The following JADE2 variants were observed in gnomAD, a reference collection of about 807,000 sequenced individuals.
JADE2 encodes the protein jade family PHD finger 2.
JADE2 carries 13 observed loss-of-function variants against 85.7 expected under a neutral mutation model. The ratio of observed to expected loss-of-function variants is 0.15; its 90% CI spans 0.10 to 0.24. The LOEUF (loss-of-function observed/expected upper bound fraction) is 0.24, where lower values mean the gene tolerates loss of function less well. Ranked by LOEUF, JADE2 falls within the 10% of genes least tolerant of loss-of-function variation. JADE2 has a pLI of 1.00. For missense variants in JADE2, 846 were observed against 1,115.9 expected (o/e 0.76, Z 3.45); for synonymous variants, 440 against 456.1 (o/e 0.96, Z 0.45).
At position 134,578,465 on chromosome 5, in the gene JADE2, C is replaced by T. The variant is rs373233630; in HGVS notation, c.1682-29C>T. ...AAAGGGTGGGACACACGTCTGCTGG[C>T]GTCTCACTTGCCTCCTCTCTCCCCT... On this transcript the variant is annotated intron_variant, in intron 11 of 11. Transcript: ENST00000681547. This position sits in a 1 kb window ranked among gnomAD's most constrained non-coding sequence, Gnocchi z 4.4. The T allele has an allele frequency of 1.2e-4, 173 of 1,504,174 alleles. No homozygotes were observed. In the African/African-American group the frequency reaches 1.9e-3, roughly 17 times the overall value. The allele number at this position is 1,504,174 out of a possible 1,614,324, so 93.2% of individuals were successfully genotyped here.
chr5:134,524,707 G>C (rs1162500894), upstream of JADE2, among the ~76,000 whole-genome samples: 3 of 152,204 alleles, frequency 2.0e-5, no homozygotes, highest in East Asian at 1.9e-4. Flanking sequence ...GCACCCGGGA[G>C]GGGGGAGGGG....
intron 4 of JADE2, 107 bp downstream of exon 4, chr5:134,552,316 C>A: frequency 1.0e-6 from 1 of 969,622 alleles, no homozygotes; most frequent in South Asian, 1.7e-5. Context: ...TCTAGTCCAT[C>A]TCTATTCTGT....
intron 9 of JADE2, among the ~76,000 whole-genome samples, chr5:134,572,278 C>G (rs539635564): frequency 1.3e-5 from 2 of 152,216 alleles, no homozygotes; most frequent in Non-Finnish European, 2.9e-5. Context: ...TCACGGTCTT[C>G]GAGCTGAGGG....
intron 3 of JADE2, among the ~76,000 whole-genome samples, chr5:134,547,272 G>C (rs1762350015): frequency 6.6e-6 from 1 of 152,204 alleles, no homozygotes; most frequent in Non-Finnish European, 1.5e-5. Context: ...GGCACCCCTA[G>C]CACTCAGATT....
Position 134,532,700 on chromosome 5 carries a change from C to G in JADE2, c.1-3158C>G, listed in dbSNP as rs140470948. Among the ~76,000 whole-genome samples, 8 of 152,190 alleles carry G rather than the reference C, an allele frequency of 5.3e-5. No individual in the cohort carries two copies. The East Asian group carries it at 1.2e-3, about 22-fold the overall frequency. ...GATCACATCTAAGCACCTCCACCCC[C>G]CAAGTGTGTTTGCAGTCCTGGATTT... On this transcript the variant is annotated intron_variant, in intron 1 of 11. Transcript: ENST00000681547.
intron 1 of JADE2, among the ~76,000 whole-genome samples, chr5:134,534,081 G>T (rs1289140006): frequency 6.6e-6 from 1 of 152,194 alleles, no homozygotes; most frequent in Non-Finnish European, 1.5e-5. Context: ...GCTGTGGGTT[G>T]CTGAGCTGTT....
intron 1 of JADE2, among the ~76,000 whole-genome samples, chr5:134,531,548 A>T: frequency 6.6e-6 from 1 of 151,442 alleles, no homozygotes; most frequent in East Asian, 1.9e-4. Flanking sequence ...AGTAGCTGGA[A>T]CTACAGGTGC....
At chr5:134,560,987 G>C in intron 6 of JADE2, 30 bp downstream of exon 6, 1 of 1,593,404 alleles carries the variant, frequency 6.3e-7, no homozygotes, top group Non-Finnish European at 8.6e-7. Flanking sequence ...ACCCTCACCT[G>C]TGCCATGTAT....
In JADE2 at chr5:134,566,888, C is replaced by A. The variant is rs1212413997; in HGVS notation, c.1434+308C>A. On this transcript the variant is annotated intron_variant, in intron 9 of 11. Coordinates refer to ENST00000681547, the MANE Select transcript of JADE2 (RefSeq NM_001388185.1). This position sits in a 1 kb window ranked among gnomAD's most constrained non-coding sequence, Gnocchi z 6.7. The stretch of plus-strand genomic sequence containing the variant: ...TGCCAAGGTCATGAGGCTGAGAGCA[C>A]CAGAGCTAGGGCGAGGACCTAGGCT... 6.6e-6 allele frequency among the ~76,000 whole-genome samples: 1 copy of A among 152,214 alleles called. No homozygotes were observed. Among genetic ancestry groups the A allele is most frequent in the African/African-American group, 2.4e-5 (1 of 41,458 alleles).
intron 7 of JADE2, among the ~76,000 whole-genome samples, chr5:134,563,989 A>C (rs1763484846): frequency 6.6e-6 from 1 of 152,192 alleles, no homozygotes; most frequent in Admixed American, 6.5e-5. Flanking sequence ...GCATATCCCC[A>C]GGAGAGCCCT....
At chr5:134,577,816 CACATCTGCTGGCG>C (rs1195022928) in intron 11 of JADE2, among the ~76,000 whole-genome samples, 1 of 152,318 alleles carries the variant, frequency 6.6e-6, no homozygotes, top group East Asian at 1.9e-4. Flanking sequence ...CTGCCGCCCT[CACATCTGCTGGCG>C]TCTCACTTGC....
intron 4 of JADE2, among the ~76,000 whole-genome samples, chr5:134,553,231 A>G (rs984290374): frequency 6.6e-6 from 1 of 151,638 alleles, no homozygotes; most frequent in African/African-American, 2.4e-5. Flanking sequence ...TCAGCCTCCC[A>G]AAATGCTGGG....
Position 134,576,788 on chromosome 5 carries a change from A to G in JADE2, c.1573A>G (p.Lys525Glu), listed in dbSNP as rs1232360782. 2.7e-5 allele frequency: 42 copies of G among 1,550,324 alleles called. No homozygotes were observed. Among genetic ancestry groups the G allele is most frequent in the Non-Finnish European group, 3.7e-5 (42 of 1,146,940 alleles). ...CACAGAGCGGTCTGGGAGGAGAGCA[A>G]AGGGCAAGAAGAGTGACTCGAAGAG... Reference protein sequence around the residue: ...LCRERSGRRAKGKKSDSKRKG... With the variant: ...LCRERSGRRAEGKKSDSKRKG... Residue 525 changes from lysine (K) to glutamate (E), a missense_variant, in exon 11 of 12, where the codon AAG (lysine) becomes GAG (glutamate). Lys to Glu is a moderately conservative substitution (Grantham distance 56). This residue lies in a region of JADE2 where 119 missense variants were observed against 163.9 expected (regional missense o/e 0.73). Coordinates refer to ENST00000681547, the MANE Select transcript of JADE2 (RefSeq NM_001388185.1).
chr5:134,549,664 A>T (rs1762494052), intron 3 of JADE2, among the ~76,000 whole-genome samples: 1 of 151,856 alleles, frequency 6.6e-6, no homozygotes, highest in South Asian at 2.1e-4. Context: ...CTCAAAACAA[A>T]AAAAAAAAGT....
chr5:134,576,565 T>C (rs1463122352), intron 10 of JADE2, among the ~76,000 whole-genome samples: 1 of 151,820 alleles, frequency 6.6e-6, no homozygotes, highest in Non-Finnish European at 1.5e-5. Context: ...CGTGGCCCTG[T>C]GGCCACCCCA....
chr5:134,556,849 T>C (rs1460445651), intron 4 of JADE2, among the ~76,000 whole-genome samples: 3 of 90,014 alleles, frequency 3.3e-5, no homozygotes, highest in South Asian at 3.5e-4. Context: ...ACACAGCACA[T>C]ACACGCACAC....
intron 1 of JADE2, among the ~76,000 whole-genome samples, chr5:134,529,683 A>T (rs1484702136): frequency 6.6e-6 from 1 of 152,212 alleles, no homozygotes; most frequent in East Asian, 1.9e-4. Flanking sequence ...TGGACCTTTG[A>T]TCTCTCACCT....
intron 1 of JADE2, among the ~76,000 whole-genome samples, chr5:134,529,524 A>C (rs1761093935): frequency 6.6e-6 from 1 of 152,386 alleles, no homozygotes; most frequent in Non-Finnish European, 1.5e-5. Flanking sequence ...CACTTTCTGC[A>C]AATGGGATTA....
intron 4 of JADE2, among the ~76,000 whole-genome samples, chr5:134,555,134 C>G (rs778523189): frequency 7.9e-5 from 12 of 152,106 alleles, no homozygotes; most frequent in Non-Finnish European, 1.6e-4. Context: ...CAGCTGCCAC[C>G]CCAGGCCCCC....
Sources: gnomAD v4.1 joint callset for allele counts (sites outside exome capture counted in the v4.1 genomes callset) on GRCh38, gnomAD v4.1.1 for gene constraint, gnomAD v4.1.1 regional missense constraint, Gnocchi (gnomAD v3.1) non-coding constraint, MANE v1.5 for transcripts, NCBI Gene and HGNC (gene_info 2026-07-23, HGNC 2026-07-21) for gene names.